Variants in FOXJ3 observed in about 807,000 individuals in gnomAD.
FOXJ3 encodes forkhead box protein J3.
A neutral mutation model predicts 76.1 loss-of-function variants in FOXJ3; 22 were observed. The observed-to-expected ratio is 0.29, with a 90% CI of 0.21 to 0.41. FOXJ3 has a LOEUF of 0.41. FOXJ3 is among the 10% of genes least tolerant of loss of function. FOXJ3 has a pLI of 1.00. For synonymous variants in FOXJ3, 269 were observed against 261.2 expected, an observed-to-expected ratio of 1.03 and a Z score of -0.29; for missense variants, 613 against 762.1, an observed-to-expected ratio of 0.80 and a Z score of 2.30.
intron 3 of FOXJ3, among the ~76,000 whole-genome samples, chr1:42,275,078 T>C (rs764723214): frequency 7.2e-5 from 11 of 152,304 alleles, no homozygotes; most frequent in Middle Eastern, 3.4e-3. Flanking sequence ...ACTGCACTTA[T>C]TGAAGCTTAC....
rs547026536 is a variant in FOXJ3 at position 42,191,710 on chromosome 1, T to A, written c.944A>T (p.Asn315Ile). The change falls in exon 9 of 13, where the codon AAC (asparagine) becomes ATC (isoleucine). Residue 315 changes from asparagine to isoleucine, a missense_variant. Coordinates refer to ENST00000361346, the MANE Select transcript of FOXJ3 (RefSeq NM_014947.5). ...CTGCTGGGAAGATTCAGAAGGGATG[T>A]TCATCAAACCTAAAAACAAAGCAAG... is the stretch of plus-strand genomic sequence containing the variant. ...EQSLSQQGLM[N>I]IPSESSQQSH... 6.2e-7 allele frequency: 1 copy of A among 1,609,930 alleles called. No homozygotes were observed. The highest frequency in any genetic ancestry group is 8.5e-7 in the Non-Finnish European group (1 of 1,176,542).
Position 42,194,902 on chromosome 1 carries a change from G to C in FOXJ3, c.922C>G (p.Leu308Val). 1 of 1,589,376 alleles carries C rather than the reference G, an allele frequency of 6.3e-7. No homozygotes were observed. The highest frequency in any genetic ancestry group is 8.5e-7 in the Non-Finnish European group (1 of 1,171,588). Residue 308 changes from leucine to valine, a missense_variant, in exon 8 of 13, where the codon CTT (leucine) becomes GTT (valine). Coordinates refer to ENST00000361346, the MANE Select transcript of FOXJ3 (RefSeq NM_014947.5). Reference sequence around the variant, plus strand: ...TAAGAAAACTCACCTTGTTGACTAAGTGACTGCTCAAAAACTGACTTATAA... The same window carrying C: ...TAAGAAAACTCACCTTGTTGACTAACTGACTGCTCAAAAACTGACTTATAA... ...SLYKSVFEQS[L>V]SQQGLMNIPS...
Position 42,195,299 on chromosome 1 carries a change from G to A in FOXJ3, c.760-235C>T, listed in dbSNP as rs181458977. On this transcript the variant is annotated intron_variant, in intron 7 of 12. Coordinates refer to ENST00000361346, the MANE Select transcript of FOXJ3 (RefSeq NM_014947.5). ...AACCTCCATACTTCACAGAAGGAAA[G>A]AATTCAAAGAAGTTAGATAACTTGC... Among the ~76,000 whole-genome samples, 262 of 152,288 alleles carry A rather than the reference G, an allele frequency of 1.7e-3. 1 individual carries two copies. The highest frequency in any genetic ancestry group is 5.8e-3 in the African/African-American group (243 of 41,564).
At chr1:42,255,379 A>G (rs1650500171) in intron 4 of FOXJ3, among the ~76,000 whole-genome samples, 1 of 152,198 alleles carries the variant, frequency 6.6e-6, no homozygotes, top group Non-Finnish European at 1.5e-5. Context: ...AGAGGACACT[A>G]AGAAGTCAAC....
chr1:42,324,825 AGAGT>A (rs1472314726), intron 1 of FOXJ3, among the ~76,000 whole-genome samples: 1 of 152,220 alleles, frequency 6.6e-6, no homozygotes, highest in Non-Finnish European at 1.5e-5. Context: ...GCAGTTGCTC[AGAGT>A]GAGTGAGTGA....
intron 4 of FOXJ3, among the ~76,000 whole-genome samples, chr1:42,251,038 C>T (rs529342028): frequency 4.6e-5 from 7 of 151,994 alleles, no homozygotes; most frequent in African/African-American, 1.4e-4. Flanking sequence ...TAAATAATAA[C>T]TGAAAATATC....
intron 2 of FOXJ3, among the ~76,000 whole-genome samples, chr1:42,296,049 A>G (rs1159057368): frequency 6.6e-6 from 1 of 152,196 alleles, no homozygotes; most frequent in Non-Finnish European, 1.5e-5. Context: ...TCTGACTGGT[A>G]TAAGATGGTA....
intron 3 of FOXJ3, among the ~76,000 whole-genome samples, chr1:42,266,142 G>A (rs58936327): frequency 0.017 from 2,548 of 152,042 alleles, 66 homozygotes; most frequent in African/African-American, 0.058. Flanking sequence ...CTGCTTTATT[G>A]TTTAATATAA....
chr1:42,261,166 G>A (rs1050332938), intron 4 of FOXJ3, among the ~76,000 whole-genome samples: 7 of 151,306 alleles, frequency 4.6e-5, no homozygotes, highest in African/African-American at 1.7e-4. Flanking sequence ...TAAGACACAT[G>A]TATGAATTAC....
At chr1:42,291,079 T>TAGATAGACAGACAGACAGAC (rs1553167253) in intron 2 of FOXJ3, among the ~76,000 whole-genome samples, 103 of 125,658 alleles carry the variant, frequency 8.2e-4, no homozygotes, top group African/African-American at 2.9e-3. Flanking sequence ...GATAGATAGA[T>TAGATAGACAGACAGACAGAC]AGATAGACAG....
chr1:42,215,833 A>G (rs964692159), intron 5 of FOXJ3, among the ~76,000 whole-genome samples: 3 of 152,142 alleles, frequency 2.0e-5, no homozygotes, highest in African/African-American at 7.2e-5. Context: ...TTATCAATCC[A>G]GACTGTATAT....
At chr1:42,259,744 C>A (rs1395053846) in intron 4 of FOXJ3, among the ~76,000 whole-genome samples, 2 of 152,216 alleles carry the variant, frequency 1.3e-5, no homozygotes, top group African/African-American at 4.8e-5. Context: ...TCCATTTCTT[C>A]ACTCTTGGAT....
chr1:42,288,822 T>C (rs1365645470), intron 2 of FOXJ3, among the ~76,000 whole-genome samples: 1 of 152,206 alleles, frequency 6.6e-6, no homozygotes, highest in African/African-American at 2.4e-5. Flanking sequence ...AAGTCAGATA[T>C]TTAAAAGATC....
chr1:42,326,639 C>T (rs1655845911), intron 1 of FOXJ3, among the ~76,000 whole-genome samples: 1 of 152,026 alleles, frequency 6.6e-6, no homozygotes, highest in South Asian at 2.1e-4. Context: ...TTAAAGTTTC[C>T]CTTAACTCCT....
intron 3 of FOXJ3, among the ~76,000 whole-genome samples, chr1:42,271,139 T>G (rs1402507953): frequency 6.6e-6 from 1 of 152,204 alleles, no homozygotes; most frequent in South Asian, 2.1e-4. Context: ...ATGATTTCTT[T>G]GTAACTATTT....
intron 6 of FOXJ3, among the ~76,000 whole-genome samples, chr1:42,204,766 G>A (rs1364950773): frequency 6.8e-6 from 1 of 147,458 alleles, no homozygotes; most frequent in Non-Finnish European, 1.5e-5. Context: ...TTATTCCAGA[G>A]ACTGCCATGT....
chr1:42,314,780 T>C lies in FOXJ3; in HGVS notation c.-17-3670A>G, dbSNP rs1364009281. ...ACTCCTTTGAAAGTTAAACACAGAG[T>C]TACCATAAAACCCAGCAATTATAAG... is the stretch of plus-strand genomic sequence containing the variant. On this transcript the variant is annotated intron_variant, in intron 1 of 12. Coordinates refer to ENST00000361346, the MANE Select transcript of FOXJ3 (RefSeq NM_014947.5). Among the ~76,000 whole-genome samples, 4 of 152,280 alleles carry C rather than the reference T, an allele frequency of 2.6e-5. No individual in the cohort carries two copies. In the East Asian group the frequency reaches 7.7e-4, roughly 29 times the overall value.
chr1:42,310,718 G>A (rs1199873939), intron 2 of FOXJ3, among the ~76,000 whole-genome samples: 2 of 152,050 alleles, frequency 1.3e-5, no homozygotes, highest in African/African-American at 2.4e-5. Flanking sequence ...CCAAAATGCT[G>A]GGAGTACAGA....
chr1:42,181,912 C>A lies in FOXJ3; in HGVS notation c.1753+5G>T. The A allele has an allele frequency of 6.4e-7, 1 of 1,569,768 alleles. No individual in the cohort carries two copies. The highest frequency in any genetic ancestry group is 8.8e-7 in the Non-Finnish European group (1 of 1,141,720). On this transcript the variant is annotated splice_donor_5th_base_variant and intron_variant, in intron 12 of 12. Coordinates refer to ENST00000361346, the MANE Select transcript of FOXJ3 (RefSeq NM_014947.5). The stretch of plus-strand genomic sequence containing the variant: ...ACACACACTCACTCTCTCTCTCTCT[C>A]TTACCTGCCATCGTTGTTCCTGGAG...
Sources: gnomAD v4.1 joint callset for allele counts (sites outside exome capture counted in the v4.1 genomes callset) on GRCh38, gnomAD v4.1.1 for gene constraint, MANE v1.5 for transcripts, NCBI Gene and HGNC (gene_info 2026-07-23, HGNC 2026-07-21) for gene names.